The following RNF146 variants were observed in gnomAD, a reference collection of about 807,000 sequenced individuals.
RNF146 encodes the protein E3 ubiquitin-protein ligase RNF146.
In RNF146, 11 loss-of-function variants were observed where a neutral mutation model predicts 29.7. The ratio of observed to expected loss-of-function variants is 0.37; its 90% CI spans 0.23 to 0.61. The LOEUF is 0.61. RNF146 is among the 20% of genes least tolerant of loss of function. The pLI is 0.66. For missense variants in RNF146, 342 were observed against 438.9 expected (o/e 0.78, Z 1.97); for synonymous variants, 150 against 159.7 (o/e 0.94, Z 0.46).
At chr6:127,285,168 C>T (rs1395810239) in intron 2 of RNF146, 1 of 981,254 alleles carries the variant, frequency 1.0e-6, no homozygotes, top group African/African-American at 1.8e-5. Flanking sequence ...TAGATATGTG[C>T]CATCTTTTTA....
intron 1 of RNF146, among the ~76,000 whole-genome samples, chr6:127,267,383 C>G (rs1316498803): frequency 6.6e-6 from 1 of 152,180 alleles, no homozygotes; most frequent in Non-Finnish European, 1.5e-5. Context: ...CTCCTCCCCT[C>G]TGGGCCGTGG....
chr6:127,287,828 T>C lies in RNF146; in HGVS notation c.*135T>C, dbSNP rs1582909365. 9.7e-6 allele frequency: 6 copies of C among 617,006 alleles called. No individual in the cohort carries two copies. The East Asian group carries it at 1.6e-4, about 16-fold the overall frequency. The allele number at this position is 617,006 out of a possible 1,614,324, so 38.2% of individuals were successfully genotyped here. On this transcript the variant is annotated 3_prime_UTR_variant, in exon 3 of 3. Coordinates refer to ENST00000368314, the MANE Select transcript of RNF146 (RefSeq NM_001242850.2). ...AAGGGGTATGGGAAGGATAGACTCA[T>C]AATTAAAATGTCTAACATGTCTCTG...
At chr6:127,271,393 G>C (rs1294990124) in intron 1 of RNF146, among the ~76,000 whole-genome samples, 1 of 152,094 alleles carries the variant, frequency 6.6e-6, no homozygotes, top group African/African-American at 2.4e-5. Flanking sequence ...GGCAGAATTG[G>C]GGCTACCTAA....
intron 1 of RNF146, among the ~76,000 whole-genome samples, chr6:127,273,985 GAT>G (rs1777849681): frequency 6.6e-6 from 1 of 152,068 alleles, no homozygotes; most frequent in Non-Finnish European, 1.5e-5. Flanking sequence ...ATTATTCATA[GAT>G]ACTTTGCTGT....
chr6:127,271,899 C>T (rs1777551763), intron 1 of RNF146, among the ~76,000 whole-genome samples: 1 of 152,114 alleles, frequency 6.6e-6, no homozygotes, highest in South Asian at 2.1e-4. Context: ...CCTCCTGTGT[C>T]ACTACCCACA....
chr6:127,278,308 C>T (rs892741577), intron 1 of RNF146, among the ~76,000 whole-genome samples: 4 of 145,306 alleles, frequency 2.8e-5, no homozygotes, highest in Non-Finnish European at 5.9e-5. Context: ...ATAGATTTTC[C>T]ACAACTTTTT....
intron 2 of RNF146, among the ~76,000 whole-genome samples, chr6:127,284,522 A>C (rs7764180): frequency 0.13 from 19,783 of 151,818 alleles, 2,557 homozygotes; most frequent in East Asian, 0.56. Context: ...CAGGAATTTT[A>C]TGGAAACTAA....
intron 1 of RNF146, among the ~76,000 whole-genome samples, chr6:127,279,731 ATTTAC>A (rs1778698078): frequency 6.6e-6 from 1 of 151,790 alleles, no homozygotes; most frequent in Admixed American, 6.6e-5. Context: ...TCACTTGTCT[ATTTAC>A]TTAGCTCTTC....
Position 127,286,502 on chromosome 6 carries a change from G to A in RNF146, c.3-114G>A. On this transcript the variant is annotated intron_variant, in intron 2 of 2. Coordinates refer to ENST00000368314, the MANE Select transcript of RNF146 (RefSeq NM_001242850.2). The surrounding 1 kb of genome is among the most constrained non-coding windows in gnomAD (Gnocchi z 4.6). Reference sequence around the variant, plus strand: ...TTCATCTTCATATCCCCATTGTCTAGTATGTGGCTTGCATATAATGCACAT... The same window carrying A: ...TTCATCTTCATATCCCCATTGTCTAATATGTGGCTTGCATATAATGCACAT... 3.1e-6 allele frequency: 3 copies of A among 980,352 alleles called. No homozygotes were observed. The highest frequency in any genetic ancestry group is 4.4e-6 in the Non-Finnish European group (3 of 675,402). 60.7% of individuals were successfully genotyped at this position (980,352 alleles called of 1,614,324 possible).
chr6:127,287,346 G>C lies in RNF146; in HGVS notation c.733G>C (p.Asp245His). The C allele has an allele frequency of 6.2e-7, 1 of 1,613,486 alleles. No individual in the cohort carries two copies. Among genetic ancestry groups the C allele is most frequent in the Non-Finnish European group, 8.5e-7 (1 of 1,179,676 alleles). ...PSPDASTSLE[D>H]SFAHLQLSGD... Reference sequence around the variant, plus strand: ...CCCTGATGCAAGCACTTCTCTGGAAGACTCTTTTGCTCATTTACAACTCAG... The same window carrying C: ...CCCTGATGCAAGCACTTCTCTGGAACACTCTTTTGCTCATTTACAACTCAG... Residue 245 changes from aspartate (D) to histidine (H), a missense_variant, in exon 3 of 3, where the codon GAC becomes CAC. Asp to His is a moderately conservative substitution (Grantham distance 81). Transcript: ENST00000368314.
intron 2 of RNF146, among the ~76,000 whole-genome samples, chr6:127,285,893 A>G (rs762480047): frequency 1.1e-4 from 17 of 152,012 alleles, no homozygotes; most frequent in Non-Finnish European, 2.5e-4. Context: ...TGTCTTATTT[A>G]TCTTTAGACC....
At chr6:127,266,744 G>C (rs558041310), upstream of RNF146, 9 of 152,154 alleles carry the variant, frequency 5.9e-5, no homozygotes, top group African/African-American at 1.9e-4. Context: ...GCGCGAGACA[G>C]GGGCAGAACG....
chr6:127,285,903 C>A (rs1779453249), intron 2 of RNF146: 1 of 456,266 alleles, frequency 2.2e-6, no homozygotes, highest in Non-Finnish European at 3.5e-6. Context: ...ATCTTTAGAC[C>A]CATCAGTACT....
intron 2 of RNF146, among the ~76,000 whole-genome samples, chr6:127,282,608 A>G (rs554707317): frequency 8.6e-5 from 13 of 151,752 alleles, no homozygotes; most frequent in South Asian, 4.1e-4. Flanking sequence ...CTTCTATTCT[A>G]TTGTTGGAAA....
chr6:127,275,667 A>G (rs1778107640), intron 1 of RNF146, among the ~76,000 whole-genome samples: 1 of 152,154 alleles, frequency 6.6e-6, no homozygotes, highest in Non-Finnish European at 1.5e-5. Flanking sequence ...AACATAGAGG[A>G]GAGAACAGTT....
In RNF146 at chr6:127,287,211, G is replaced by A. The variant is rs1459663994; in HGVS notation, c.598G>A (p.Gly200Arg). 9 of 1,613,282 alleles carry A rather than the reference G, an allele frequency of 5.6e-6. No homozygotes were observed. Among genetic ancestry groups the A allele is most frequent in the Admixed American group, 1.7e-5 (1 of 59,870 alleles). ...CCTAGCAAGAGAGAGCTCTGCTGACGGAGCGGACAGTGTATCAGCACAGAG... is the reference window on the plus strand; with the variant it reads ...CCTAGCAAGAGAGAGCTCTGCTGACAGAGCGGACAGTGTATCAGCACAGAG... ...VNLARESSAD[G>R]ADSVSAQSGA... The change falls in exon 3 of 3, where the codon GGA becomes AGA. Residue 200 changes from glycine (G) to arginine (R), a missense_variant. Physicochemically the swap from Gly to Arg is moderately radical, Grantham distance 125 (BLOSUM62 -2). Around this residue, in one of 6 missense-constraint regions of RNF146, gnomAD observed 196 missense variants for 208.9 expected, o/e 0.94. Coordinates refer to ENST00000368314, the MANE Select transcript of RNF146 (RefSeq NM_001242850.2).
intron 1 of RNF146, among the ~76,000 whole-genome samples, chr6:127,272,277 G>T (rs1169665568): frequency 6.6e-6 from 1 of 152,144 alleles, no homozygotes; most frequent in Non-Finnish European, 1.5e-5. Flanking sequence ...ATCTGGTTCT[G>T]TAGGTCTAGG....
intron 1 of RNF146, among the ~76,000 whole-genome samples, chr6:127,267,612 C>T (rs990931846): frequency 6.6e-6 from 1 of 152,140 alleles, no homozygotes; most frequent in Non-Finnish European, 1.5e-5. Flanking sequence ...TTTTCTCCTG[C>T]TCAGTGTCTC....
At chr6:127,285,069 T>C (rs971631293) in intron 2 of RNF146, 1 of 374,792 alleles carries the variant, frequency 2.7e-6, no homozygotes, top group Non-Finnish European at 3.7e-6. Flanking sequence ...AAGGAATTGA[T>C]TGGAAATGTT....
Sources: gnomAD v4.1 joint callset for allele counts (sites outside exome capture counted in the v4.1 genomes callset) on GRCh38, gnomAD v4.1.1 for gene constraint, gnomAD v4.1.1 regional missense constraint, Gnocchi (gnomAD v3.1) non-coding constraint, MANE v1.5 for transcripts, NCBI Gene and HGNC (gene_info 2026-07-23, HGNC 2026-07-21) for gene names.